Variants in GUF1 observed in about 807,000 individuals in gnomAD.
GUF1 encodes the protein translation factor GUF1, mitochondrial.
In GUF1, 78 loss-of-function variants were observed where a neutral mutation model predicts 82.4. The ratio of observed to expected loss-of-function variants is 0.95; its 90% CI spans 0.79 to 1.14. The LOEUF is 1.14. Among genes scored for constraint, GUF1 ranks in the 50% most tolerant of loss-of-function variants. GUF1 has a pLI of 0.00. For missense variants in GUF1, 814 were observed against 798.2 expected (o/e 1.02, Z -0.24); for synonymous variants, 279 against 282.3 (o/e 0.99, Z 0.12).
chr4:44,691,705 C>A lies in GUF1; in HGVS notation c.1519C>A (p.Gln507Lys). 2 of 1,585,818 alleles carry A rather than the reference C, an allele frequency of 1.3e-6. No homozygotes were observed. The highest frequency in any genetic ancestry group is 1.1e-5 in the South Asian group (1 of 88,342). ...AVQKNMIFID[Q>K]NRVMLKYLFP... is the part of the protein sequence containing the mutation. ...TCAGAAGAATATGATATTTATTGAT[C>A]AAAATAGAGTTATGCTTAAATATCT... The change falls in exon 13 of 17, where the codon CAA becomes AAA. Residue 507 changes from glutamine (Q) to lysine (K), a missense_variant. Coordinates refer to ENST00000281543, the MANE Select transcript of GUF1 (RefSeq NM_021927.3).
intron 12 of GUF1, among the ~76,000 whole-genome samples, chr4:44,691,289 T>A (rs1297470162): frequency 6.6e-6 from 1 of 151,716 alleles, no homozygotes; most frequent in Non-Finnish European, 1.5e-5. Context: ...CTATGTGAAA[T>A]ACTCTGATAC....
chr4:44,678,506 C>A lies in GUF1; in HGVS notation c.-117C>A. 1 of 819,198 alleles carries A rather than the reference C, an allele frequency of 1.2e-6. No homozygotes were observed. Among genetic ancestry groups the A allele is most frequent in the Non-Finnish European group, 1.7e-6 (1 of 581,386 alleles). The allele number at this position is 819,198 out of a possible 1,614,324, so 50.7% of individuals were successfully genotyped here. ...TCCCCGGGGTTCATTGTCTTCGCTT[C>A]ACAGGATCTGTTTGAGTCCTGTCCA... On this transcript the variant is annotated 5_prime_UTR_variant, in exon 1 of 17. Transcript: ENST00000281543.
chr4:44,694,197 C>CA, intron 13 of GUF1: 1 of 470,894 alleles, frequency 2.1e-6, no homozygotes, highest in East Asian at 4.3e-5. Flanking sequence ...CCCCTATAAA[C>CA]ATATTCCCCT....
intron 7 of GUF1, 28 bp from the exon 8 acceptor site, chr4:44,686,482 A>G (rs999122305): frequency 3.7e-6 from 5 of 1,352,964 alleles, no homozygotes; most frequent in Admixed American, 1.8e-5. Flanking sequence ...TAGTGTATAT[A>G]TATTTACTTT....
At chr4:44,680,672 C>CA (rs1467880334) in intron 2 of GUF1, 22 bp from the exon 3 acceptor site, 1 of 1,516,912 alleles carries the variant, frequency 6.6e-7, no homozygotes, top group African/African-American at 1.4e-5. Flanking sequence ...AGAGAAATAT[C>CA]AATAAGTGTT....
rs1297125018 is a variant in GUF1 at position 44,700,559 on chromosome 4, GTC to G, written c.*1884_*1885del. On this transcript the variant is annotated 3_prime_UTR_variant, in exon 17 of 17. Transcript: ENST00000281543. ...TTACACATACTGATTGATGTCTCAT[GTC>G]TCTCTAAAATGTGTAAAACCAAGCT... 1.3e-5 allele frequency: 2 copies of G among 152,002 alleles called. No homozygotes were observed. The highest frequency in any genetic ancestry group is 4.8e-5 in the African/African-American group (2 of 41,374). The allele number at this position is 152,002 out of a possible 1,614,324, so 9.4% of individuals were successfully genotyped here.
chr4:44,686,840 A>C, intron 8 of GUF1, 127 bp downstream of exon 8: 1 of 647,078 alleles, frequency 1.5e-6, no homozygotes, highest in South Asian at 1.9e-5. Context: ...TAATGCAACT[A>C]TACAGTAAAT....
At chr4:44,681,007 C>CA in intron 3 of GUF1, 116 bp from the exon 4 acceptor site, 1 of 1,159,782 alleles carries the variant, frequency 8.6e-7, no homozygotes, top group Non-Finnish European at 1.3e-6. Flanking sequence ...GTGCAGGCTA[C>CA]AAAAAAGAAA....
At position 44,678,618 on chromosome 4, in the gene GUF1, G is replaced by T. The variant is rs1354208604; in HGVS notation, c.-5G>T. The stretch of plus-strand genomic sequence containing the variant: ...CCCTCTCCTGACGCCTCCGCCGCCC[G>T]GGTCATGTGGACCCTCGTGGGTCGG... On this transcript the variant is annotated 5_prime_UTR_variant, in exon 1 of 17. Transcript: ENST00000281543. 1.4e-6 allele frequency: 2 copies of T among 1,450,236 alleles called. No individual in the cohort carries two copies. Among genetic ancestry groups the T allele is most frequent in the East Asian group, 2.8e-5 (1 of 36,218 alleles). 89.8% of individuals were successfully genotyped at this position (1,450,236 alleles called of 1,614,324 possible).
At chr4:44,687,888 C>G in intron 8 of GUF1, 119 bp from the exon 9 acceptor site, 1 of 822,772 alleles carries the variant, frequency 1.2e-6, no homozygotes, top group South Asian at 1.9e-5. Context: ...CACTTATTTT[C>G]AAAGTGTATG....
rs372440195 is a variant in GUF1 at position 44,686,059 on chromosome 4, A to G, written c.734+36A>G. Reference sequence around the variant, plus strand: ...GGTGATTTTTGTACTAGTTGTCTCTATTTAATAGTTCAAAAACTGTCCATG... The same window carrying G: ...GGTGATTTTTGTACTAGTTGTCTCTGTTTAATAGTTCAAAAACTGTCCATG... On this transcript the variant is annotated intron_variant, in intron 7 of 16. Coordinates refer to ENST00000281543, the MANE Select transcript of GUF1 (RefSeq NM_021927.3). The G allele has an allele frequency of 2.0e-5, 28 of 1,382,174 alleles. No individual in the cohort carries two copies. In the African/African-American group the frequency reaches 3.6e-4, roughly 18 times the overall value. The allele number at this position is 1,382,174 out of a possible 1,614,324, so 85.6% of individuals were successfully genotyped here.
At chr4:44,680,397 T>C in intron 1 of GUF1, 44 bp from the exon 2 acceptor site, 2 of 836,960 alleles carry the variant, frequency 2.4e-6, no homozygotes, top group Non-Finnish European at 3.9e-6. Context: ...TGTTTGATAG[T>C]ATGCCAAATT....
chr4:44,681,090 A>C (rs2109631251), intron 3 of GUF1, 33 bp from the exon 4 acceptor site: 1 of 1,543,534 alleles, frequency 6.5e-7, no homozygotes, highest in South Asian at 1.1e-5. Flanking sequence ...AAATTAACTC[A>C]CATTTACAGG....
At chr4:44,696,454 T>C (rs564104766) in intron 15 of GUF1, among the ~76,000 whole-genome samples, 1 of 152,236 alleles carries the variant, frequency 6.6e-6, no homozygotes, top group African/African-American at 2.4e-5. Flanking sequence ...TGAAGAACAC[T>C]GAATAAGCTG....
intron 8 of GUF1, among the ~76,000 whole-genome samples, chr4:44,687,584 T>C (rs1235787170): frequency 6.6e-6 from 1 of 151,896 alleles, no homozygotes; most frequent in Admixed American, 6.6e-5. Context: ...AAGTGTCCAG[T>C]TTGTTGAGAG....
In GUF1 at chr4:44,694,474, A is replaced by G; in HGVS notation, c.1676A>G (p.Asn559Ser). The G allele has an allele frequency of 1.2e-6, 2 of 1,610,628 alleles. No individual in the cohort carries two copies. Among genetic ancestry groups the G allele is most frequent in the Non-Finnish European group, 1.7e-6 (2 of 1,177,196 alleles). Residue 559 changes from asparagine (N) to serine (S), a missense_variant, in exon 14 of 17, where the codon AAT becomes AGT. Physicochemically the swap from Asn to Ser is conservative, Grantham distance 46. Coordinates refer to ENST00000281543, the MANE Select transcript of GUF1 (RefSeq NM_021927.3). ...CTTGTAAAAATGGATATTCTACTGA[A>G]TGGAAATACTGTAGAGGAGCTAGTA... Reference protein sequence around the residue: ...AELVKMDILLNGNTVEELVTV... With the variant: ...AELVKMDILLSGNTVEELVTV...
In GUF1 at chr4:44,698,631, G is replaced by A. The variant is rs770570387; in HGVS notation, c.1960G>A (p.Val654Ile). Residue 654 changes from valine to isoleucine, a missense_variant, in exon 17 of 17, where the codon GTT (valine) becomes ATT (isoleucine). Physicochemically the swap from Val to Ile is conservative, Grantham distance 29. Coordinates refer to ENST00000281543, the MANE Select transcript of GUF1 (RefSeq NM_021927.3). ...GCTGAGGAAAATTGGCAACGTTGAA[G>A]TTCCAAAAGATGCTTTTATAAAAGT... ...KKLRKIGNVE[V>I]PKDAFIKVLK... is the part of the protein sequence containing the mutation. 3.7e-6 allele frequency: 6 copies of A among 1,609,718 alleles called. No homozygotes were observed. The highest frequency in any genetic ancestry group is 5.1e-6 in the Non-Finnish European group (6 of 1,178,732).
chr4:44,693,856 T>G (rs1459338180), intron 13 of GUF1: 1 of 153,954 alleles, frequency 6.5e-6, no homozygotes, highest in African/African-American at 2.4e-5. Flanking sequence ...TATTATGTAC[T>G]AGGCATTGCT....
intron 11 of GUF1, 89 bp from the exon 12 acceptor site, chr4:44,690,628 C>A: frequency 1.4e-6 from 1 of 703,280 alleles, no homozygotes; most frequent in Non-Finnish European, 2.3e-6. Context: ...ATGATTACAG[C>A]TGGAGGGATT....
Sources: allele counts gnomAD v4.1 joint callset (sites outside exome capture counted in the v4.1 genomes callset), GRCh38; gene constraint gnomAD v4.1.1; transcripts MANE v1.5; gene names NCBI Gene and HGNC (gene_info 2026-07-23, HGNC 2026-07-21).